LRGUK: variants seen among roughly 807,000 people sequenced by gnomAD.
The protein encoded by LRGUK is leucine rich repeats and guanylate kinase domain containing, also known as leucine-rich repeat and guanylate kinase domain-containing protein.
Under a neutral mutation model 76.0 loss-of-function variants are expected in LRGUK, and 65 were observed. That is an observed-to-expected ratio of 0.85 (90% confidence interval 0.70 to 1.05). The LOEUF is 1.05. Ranked by LOEUF, LRGUK falls within the 50% of genes least tolerant of loss-of-function variation. The probability of loss-of-function intolerance (pLI) is 0.00; values close to 1 mark genes in which losing one functional copy is unlikely to be tolerated. For missense variants in LRGUK, 758 were observed against 732.8 expected, an observed-to-expected ratio of 1.03 and a Z score of -0.40; for synonymous variants, 268 against 265.6, an observed-to-expected ratio of 1.01 and a Z score of -0.09.
At chr7:134,240,550 A>G (rs1173567368) in intron 16 of LRGUK, among the ~76,000 whole-genome samples, 4 of 152,224 alleles carry the variant, frequency 2.6e-5, no homozygotes, top group Non-Finnish European at 4.4e-5. Context: ...ATATGGGACT[A>G]TGTGAAAAGA....
At chr7:134,135,983 A>G (rs977275783) in intron 1 of LRGUK, among the ~76,000 whole-genome samples, 1 of 152,174 alleles carries the variant, frequency 6.6e-6, no homozygotes, top group Non-Finnish European at 1.5e-5. Context: ...GCACAAGCCT[A>G]CATGCGTATG....
exon 20 of LRGUK, chr7:134,263,903 G>A (rs750790010): frequency 1.4e-5 from 22 of 1,611,620 alleles, no homozygotes; most frequent in African/African-American, 1.2e-4. Flanking sequence ...GACAACACTC[G>A]GTCCCAGTCA....
At chr7:134,164,964 A>C (rs1028846246) in intron 7 of LRGUK, among the ~76,000 whole-genome samples, 2 of 152,208 alleles carry the variant, frequency 1.3e-5, no homozygotes, top group African/African-American at 4.8e-5. Context: ...AAGTCCACAC[A>C]ATCTCCATCT....
rs1316689208 is a variant in LRGUK at position 134,127,649 on chromosome 7, AAT to A, written c.283_284del (p.Met95AlafsTer8). ...GATCCGAGGAGTCCTCAGAGTCCGA[AAT>A]GCTGAATTTGGAGGTGTGTCTTCCC... On this transcript the variant is annotated frameshift_variant, in exon 1 of 16. Coordinates refer to ENST00000645682, the Ensembl canonical transcript of LRGUK. LOFTEE classifies it high-confidence loss of function. 1.9e-6 allele frequency: 3 copies of A among 1,613,218 alleles called. No individual in the cohort carries two copies. The highest frequency in any genetic ancestry group is 2.5e-6 in the Non-Finnish European group (3 of 1,179,622).
intron 6 of LRGUK, among the ~76,000 whole-genome samples, chr7:134,161,316 GT>G (rs373063151): frequency 1.3e-5 from 2 of 151,818 alleles, no homozygotes; most frequent in Admixed American, 6.6e-5. Flanking sequence ...GTTTGGTGTA[GT>G]TTTTTTTCTT....
At chr7:134,261,510 T>A (rs1434919530) in intron 19 of LRGUK, among the ~76,000 whole-genome samples, 2 of 152,176 alleles carry the variant, frequency 1.3e-5, no homozygotes, top group Non-Finnish European at 2.9e-5. Context: ...TATGTCATAG[T>A]CACTGTCAAC....
chr7:134,204,263 T>C (rs73441339), intron 15 of LRGUK, among the ~76,000 whole-genome samples: 1,795 of 152,328 alleles, frequency 0.012, 38 homozygotes, highest in African/African-American at 0.042. Flanking sequence ...CAGTTGCCAT[T>C]TGGTAAATTA....
intron 5 of LRGUK, among the ~76,000 whole-genome samples, chr7:134,157,688 A>G (rs1798541455): frequency 6.6e-6 from 1 of 152,064 alleles, no homozygotes; most frequent in Admixed American, 6.5e-5. Flanking sequence ...ACGCCCGGCT[A>G]ATTTTTTTGT....
intron 15 of LRGUK, among the ~76,000 whole-genome samples, chr7:134,219,532 T>A (rs776347501): frequency 6.6e-6 from 1 of 152,248 alleles, no homozygotes; most frequent in Non-Finnish European, 1.5e-5. Flanking sequence ...ATTATTTCAG[T>A]GAATATAGCT....
At chr7:134,235,186 G>A (rs543039702) in intron 16 of LRGUK, among the ~76,000 whole-genome samples, 3 of 152,208 alleles carry the variant, frequency 2.0e-5, no homozygotes, top group Non-Finnish European at 4.4e-5. Context: ...TTGCTTCCAT[G>A]TTGCTCAGTG....
chr7:134,188,423 A>G (rs1800062338), intron 11 of LRGUK, among the ~76,000 whole-genome samples: 1 of 152,110 alleles, frequency 6.6e-6, no homozygotes, highest in Non-Finnish European at 1.5e-5. Flanking sequence ...TCACATTTGC[A>G]TTTTAGAAAG....
intron 18 of LRGUK, 124 bp from the exon 19 acceptor site, chr7:134,258,133 C>A: frequency 3.4e-6 from 4 of 1,179,216 alleles, no homozygotes; most frequent in Non-Finnish European, 4.9e-6. Context: ...CAACACAAGA[C>A]ATGTCCACTA....
Position 134,232,395 on chromosome 7 carries a change from C to T in LRGUK, c.1983+10477C>T, listed in dbSNP as rs561662246. 2.1e-4 allele frequency among the ~76,000 whole-genome samples: 32 copies of T among 152,244 alleles called. No individual in the cohort carries two copies. In the South Asian group the frequency reaches 5.8e-3, roughly 28 times the overall value. The stretch of plus-strand genomic sequence containing the variant: ...CTGGGTTCAAGTGATTCTCCGGCCT[C>T]AGCCTCCTGAGTAGCTGGGATTACA... On this transcript the variant is annotated intron_variant, in intron 16 of 19. Transcript: ENST00000285928.
At chr7:134,276,486 AGGGTGG>A in the LRGUK span, among the ~76,000 whole-genome samples, 1 of 152,106 alleles carries the variant, frequency 6.6e-6, no homozygotes, top group South Asian at 2.1e-4. Flanking sequence ...GGTGGGGGAC[AGGGTGG>A]GGGAGATGGA....
chr7:134,261,084 A>C (rs982699355), intron 19 of LRGUK, among the ~76,000 whole-genome samples: 2 of 152,042 alleles, frequency 1.3e-5, no homozygotes, highest in African/African-American at 2.4e-5. Flanking sequence ...AGTTCCTATA[A>C]AGTTATTTCA....
chr7:134,183,142 A>T (rs1159695629), intron 10 of LRGUK, among the ~76,000 whole-genome samples: 1 of 152,234 alleles, frequency 6.6e-6, no homozygotes, highest in African/African-American at 2.4e-5. Flanking sequence ...GCTCTCCCTT[A>T]TTAACTATCA....
intron 15 of LRGUK, among the ~76,000 whole-genome samples, chr7:134,218,975 C>A (rs1010623011): frequency 3.9e-5 from 6 of 152,110 alleles, no homozygotes; most frequent in Non-Finnish European, 7.4e-5. Flanking sequence ...TTCATTTATG[C>A]TTCATTGCAG....
chr7:134,247,901 G>T (rs773307400), intron 17 of LRGUK, among the ~76,000 whole-genome samples: 1 of 152,146 alleles, frequency 6.6e-6, no homozygotes, highest in Non-Finnish European at 1.5e-5. Context: ...AAGAAGACGG[G>T]TGATTAATCT....
chr7:134,210,075 G>C (rs1801185935), exon 16 of LRGUK: 3 of 399,154 alleles, frequency 7.5e-6, no homozygotes, highest in Non-Finnish European at 1.3e-5. Flanking sequence ...CAGCAGACAG[G>C]GGCTAGGGAA....
Sources: gnomAD v4.1 joint callset for allele counts (sites outside exome capture counted in the v4.1 genomes callset) on GRCh38, gnomAD v4.1.1 for gene constraint, MANE v1.5 for transcripts, NCBI Gene and HGNC (gene_info 2026-07-23, HGNC 2026-07-21) for gene names.